Variants in IQCM observed in about 807,000 individuals in gnomAD.
IQCM encodes IQ motif containing M, also known as IQ domain-containing protein M.
In IQCM, 45 loss-of-function variants were observed where a neutral mutation model predicts 57.6. The ratio of observed to expected loss-of-function variants is 0.78; its 90% CI spans 0.62 to 1.00. IQCM has a LOEUF of 1.00. Among genes scored for constraint, IQCM ranks in the 50% least tolerant of loss-of-function variants. The pLI, the probability that IQCM is intolerant of heterozygous loss-of-function variation, is 0.00. For synonymous variants in IQCM, 148 were observed against 158.9 expected (o/e 0.93, Z 0.51); for missense variants, 468 against 511.6 (o/e 0.91, Z 0.82).
intron 13 of IQCM, among the ~76,000 whole-genome samples, chr4:149,403,503 C>T (rs571351735): frequency 1.3e-5 from 2 of 151,968 alleles, no homozygotes; most frequent in East Asian, 3.9e-4. Flanking sequence ...TAGCAATTTG[C>T]TATGGGCCTG....
intron 9 of IQCM, among the ~76,000 whole-genome samples, chr4:149,567,108 T>C (rs1253821094): frequency 6.6e-6 from 1 of 152,172 alleles, no homozygotes; most frequent in Non-Finnish European, 1.5e-5. Flanking sequence ...TTTGCCCAAA[T>C]ATCAAAAAGT....
At chr4:149,410,831 A>G (rs1733332910) in intron 13 of IQCM, among the ~76,000 whole-genome samples, 1 of 152,122 alleles carries the variant, frequency 6.6e-6, no homozygotes, top group Admixed American at 6.6e-5. Context: ...AACATAGACA[A>G]AGGACCTATT....
At position 149,457,712 on chromosome 4, in the gene IQCM, A is replaced by T. The variant is rs1737847138; in HGVS notation, c.1229-24155T>A. 2.0e-5 allele frequency among the ~76,000 whole-genome samples: 3 copies of T among 152,076 alleles called. No homozygotes were observed. In the South Asian group the frequency reaches 6.2e-4, roughly 31 times the overall value. On this transcript the variant is annotated intron_variant, in intron 12 of 13. Coordinates refer to ENST00000636793, the MANE Select transcript of IQCM (RefSeq NM_001363507.2). The stretch of plus-strand genomic sequence containing the variant: ...AGAGACTGGAACAAAGGGTACCATG[A>T]TGCCAACGTTATGGTTTAAAGATGT...
chr4:149,710,234 G>A (rs936659979), intron 5 of IQCM, among the ~76,000 whole-genome samples: 2 of 152,044 alleles, frequency 1.3e-5, no homozygotes, highest in African/African-American at 4.8e-5. Flanking sequence ...TCTTAAATAA[G>A]GCAAAAGCAC....
chr4:149,467,523 G>A (rs576955497), intron 12 of IQCM, among the ~76,000 whole-genome samples: 3 of 152,232 alleles, frequency 2.0e-5, no homozygotes, highest in South Asian at 4.1e-4. Context: ...TTTTCAGCTA[G>A]GACTTCAGTT....
At chr4:149,740,206 C>T (rs191517989) in intron 3 of IQCM, among the ~76,000 whole-genome samples, 2 of 152,248 alleles carry the variant, frequency 1.3e-5, no homozygotes, top group Admixed American at 6.5e-5. Flanking sequence ...AGATGTGTGG[C>T]CACATGGCTA....
At chr4:149,516,640 T>C (rs1027004229) in intron 12 of IQCM, among the ~76,000 whole-genome samples, 1 of 152,044 alleles carries the variant, frequency 6.6e-6, no homozygotes, top group Non-Finnish European at 1.5e-5. Flanking sequence ...ATAGCCAGGA[T>C]TCATGGGGCC....
At chr4:149,528,188 G>A (rs187524009) in intron 12 of IQCM, among the ~76,000 whole-genome samples, 4 of 151,954 alleles carry the variant, frequency 2.6e-5, no homozygotes, top group African/African-American at 9.7e-5. Flanking sequence ...GTTTCACCAC[G>A]TTGGCCATGC....
At chr4:149,429,306 A>G (rs1560827395) in intron 13 of IQCM, among the ~76,000 whole-genome samples, 1 of 151,916 alleles carries the variant, frequency 6.6e-6, no homozygotes, top group East Asian at 1.9e-4. Flanking sequence ...AGCCTTTCCA[A>G]AAATAAGTGT....
intron 12 of IQCM, among the ~76,000 whole-genome samples, chr4:149,449,417 A>C (rs1736864283): frequency 6.9e-6 from 1 of 145,610 alleles, no homozygotes; most frequent in Non-Finnish European, 1.5e-5. Flanking sequence ...ATATATATAT[A>C]GTTCCTGAAT....
intron 12 of IQCM, among the ~76,000 whole-genome samples, chr4:149,474,597 A>G (rs1291272166): frequency 6.6e-6 from 1 of 150,640 alleles, no homozygotes; most frequent in African/African-American, 2.4e-5. Flanking sequence ...TGTGCCTGTA[A>G]TCCCAGCTAC....
chr4:149,433,562 A>G lies in IQCM; in HGVS notation c.1229-5T>C. 9.4e-7 allele frequency: 1 copy of G among 1,067,262 alleles called. No individual in the cohort carries two copies. The highest frequency in any genetic ancestry group is 1.2e-6 in the Non-Finnish European group (1 of 838,442). 66.1% of individuals were successfully genotyped at this position (1,067,262 alleles called of 1,614,324 possible). ...CAGAATATTTTTCTTTGCCATCTAT[A>G]AAGAAAAGATAAAATATATAAAATT... is the stretch of plus-strand genomic sequence containing the variant. On this transcript the variant is annotated splice_region_variant and splice_polypyrimidine_tract_variant and intron_variant, in intron 12 of 13. Transcript: ENST00000636793.
intron 12 of IQCM, among the ~76,000 whole-genome samples, chr4:149,544,675 T>G (rs558822171): frequency 6.6e-6 from 1 of 152,058 alleles, no homozygotes; most frequent in African/African-American, 2.4e-5. Context: ...CAAAACAGTA[T>G]GATACAGGCA....
At chr4:149,659,938 A>G (rs201144346) in intron 7 of IQCM, among the ~76,000 whole-genome samples, 28,888 of 150,502 alleles carry the variant, frequency 0.19, 3,174 homozygotes, top group South Asian at 0.32. Flanking sequence ...CTTCATGTCT[A>G]AAACACCAAA....
intron 9 of IQCM, among the ~76,000 whole-genome samples, chr4:149,564,223 C>G (rs953980062): frequency 6.6e-6 from 1 of 152,162 alleles, no homozygotes; most frequent in Non-Finnish European, 1.5e-5. Flanking sequence ...GTCCCAGAAG[C>G]TATTTTAAAC....
At chr4:149,772,406 A>G (rs1276736653) in intron 2 of IQCM, among the ~76,000 whole-genome samples, 3 of 152,180 alleles carry the variant, frequency 2.0e-5, no homozygotes, top group Non-Finnish European at 2.9e-5. Context: ...GCATAAATAC[A>G]TACACGCACC....
chr4:149,745,926 C>A (rs1016729766), intron 2 of IQCM, among the ~76,000 whole-genome samples: 5 of 151,810 alleles, frequency 3.3e-5, no homozygotes, highest in African/African-American at 1.2e-4. Flanking sequence ...GAGCCGTGAT[C>A]GTGCCACTGC....
At chr4:149,709,308 T>A (rs1308264558) in intron 5 of IQCM, among the ~76,000 whole-genome samples, 1 of 152,060 alleles carries the variant, frequency 6.6e-6, no homozygotes, top group Non-Finnish European at 1.5e-5. Context: ...AACTGTTGGT[T>A]GAAGAGAAAT....
chr4:149,540,195 C>A (rs566469889), intron 12 of IQCM, among the ~76,000 whole-genome samples: 68 of 151,142 alleles, frequency 4.5e-4, no homozygotes, highest in African/African-American at 1.5e-3. Flanking sequence ...AGAAAAGAGG[C>A]CTTAAGGGAA....
Sources: gnomAD v4.1 joint callset for allele counts (sites outside exome capture counted in the v4.1 genomes callset) on GRCh38, gnomAD v4.1.1 for gene constraint, MANE v1.5 for transcripts, NCBI Gene and HGNC (gene_info 2026-07-23, HGNC 2026-07-21) for gene names.